The following OR6N1 variants were observed in gnomAD, a reference collection of about 807,000 sequenced individuals.
OR6N1 encodes the protein olfactory receptor 6N1.
For synonymous variants in OR6N1, 170 were observed against 150.7 expected, an observed-to-expected ratio of 1.13 and a Z score of -0.94; for missense variants, 394 against 371.7, an observed-to-expected ratio of 1.06 and a Z score of -0.49.
chr1:158,821,368 C>A, the OR6N1 span, among the ~76,000 whole-genome samples: 2 of 152,152 alleles, frequency 1.3e-5, no homozygotes. Flanking sequence ...CTTGCTATCA[C>A]ACATTCAATA....
At chr1:158,798,549 A>C in the OR6N1 span, among the ~76,000 whole-genome samples, 1 of 151,772 alleles carries the variant, frequency 6.6e-6, no homozygotes, top group East Asian at 1.9e-4. Flanking sequence ...TTTATTTCTA[A>C]TTTATTTATA....
rs370604752 is a variant in OR6N1, at chr1:158,766,265, G to A, written c.418C>T (p.Leu140Phe). Residue 140 changes from leucine (L) to phenylalanine (F), a missense_variant, in exon 2 of 2, where the codon CTT (leucine) becomes TTT (phenylalanine). Coordinates refer to ENST00000641846, the MANE Select transcript of OR6N1 (RefSeq NM_001005185.2). ...LHYPTLMTPT[L>F]CAEIAIGCWL... is the part of the protein sequence containing the mutation. Reference sequence around the variant, plus strand: ...CAGCCAATGGCAATCTCTGCACAAAGTGTTGGGGTCATGAGGGTTGGGTAG... The same window carrying A: ...CAGCCAATGGCAATCTCTGCACAAAATGTTGGGGTCATGAGGGTTGGGTAG... 43 of 1,613,994 alleles carry A rather than the reference G, an allele frequency of 2.7e-5. No individual in the cohort carries two copies. The African/African-American group carries it at 5.1e-4, about 19-fold the overall frequency.
chr1:158,824,299 G>A, the OR6N1 span, among the ~76,000 whole-genome samples: 1 of 152,058 alleles, frequency 6.6e-6, no homozygotes, highest in Non-Finnish European at 1.5e-5. Flanking sequence ...GATGTGACTT[G>A]CTCCTCCTAG....
At position 158,765,353 on chromosome 1, in the gene OR6N1, A is replaced by C. The variant is rs1553246830; in HGVS notation, c.*391T>G. 6.2e-6 allele frequency: 1 copy of C among 160,626 alleles called. No homozygotes were observed. Among genetic ancestry groups the C allele is most frequent in the Non-Finnish European group, 1.4e-5 (1 of 73,390 alleles). The allele number at this position is 160,626 out of a possible 1,614,324, so 10.0% of individuals were successfully genotyped here. ...GAAATGATTGCAAGTGGTACAAAAA[A>C]CATCATGAATCACATTTTGTTTAGG... On this transcript the variant is annotated 3_prime_UTR_variant, in exon 2 of 2. Coordinates refer to ENST00000641846, the MANE Select transcript of OR6N1 (RefSeq NM_001005185.2).
At chr1:158,836,011 C>T in the OR6N1 span, among the ~76,000 whole-genome samples, 1 of 151,548 alleles carries the variant, frequency 6.6e-6, no homozygotes, top group Non-Finnish European at 1.5e-5. Context: ...TATTTTCAGT[C>T]TTTTACCATT....
At chr1:158,809,645 A>C in the OR6N1 span, among the ~76,000 whole-genome samples, 5 of 152,280 alleles carry the variant, frequency 3.3e-5, no homozygotes, top group African/African-American at 1.2e-4. Flanking sequence ...GAGAGCTAGA[A>C]AATTCCTACT....
At chr1:158,831,159 G>GTA in the OR6N1 span, among the ~76,000 whole-genome samples, 1 of 152,198 alleles carries the variant, frequency 6.6e-6, no homozygotes, top group Non-Finnish European at 1.5e-5. Flanking sequence ...CTTTCAGCAA[G>GTA]TATTTGTAAG....
chr1:158,793,061 T>G, the OR6N1 span, among the ~76,000 whole-genome samples: 1 of 152,170 alleles, frequency 6.6e-6, no homozygotes, highest in African/African-American at 2.4e-5. Context: ...TAATCTACTG[T>G]TAAAACTTTT....
chr1:158,827,304 T>A, the OR6N1 span, among the ~76,000 whole-genome samples: 4 of 152,206 alleles, frequency 2.6e-5, no homozygotes, highest in East Asian at 7.7e-4. Flanking sequence ...AAGAAAATTT[T>A]TTTTAGATAT....
At chr1:158,824,318 C>T in the OR6N1 span, among the ~76,000 whole-genome samples, 5 of 152,088 alleles carry the variant, frequency 3.3e-5, no homozygotes, top group East Asian at 3.9e-4. Context: ...AGCCTTCCAC[C>T]GTGATTGTGA....
At chr1:158,773,379 T>C (rs978871199), upstream of OR6N1, among the ~76,000 whole-genome samples, 2 of 152,204 alleles carry the variant, frequency 1.3e-5, no homozygotes, top group African/African-American at 4.8e-5. Context: ...AAGAGTTAAA[T>C]ACCCACTACC....
At chr1:158,772,778 T>A (rs1216604084), upstream of OR6N1, among the ~76,000 whole-genome samples, 3 of 152,174 alleles carry the variant, frequency 2.0e-5, no homozygotes, top group Non-Finnish European at 4.4e-5. Context: ...CAAATACTTA[T>A]GAGACATTAG....
At chr1:158,777,350 C>G in the OR6N1 span, 1 of 1,614,180 alleles carries the variant, frequency 6.2e-7, no homozygotes, top group Non-Finnish European at 8.5e-7. Context: ...AGGAGGCATC[C>G]TGCAAAAGAA....
chr1:158,834,706 A>G, the OR6N1 span, among the ~76,000 whole-genome samples: 11 of 152,264 alleles, frequency 7.2e-5, no homozygotes, highest in Non-Finnish European at 1.6e-4. Flanking sequence ...GCCAAATCCA[A>G]TGTCATGGAG....
chr1:158,824,789 T>G, the OR6N1 span, among the ~76,000 whole-genome samples: 1 of 152,192 alleles, frequency 6.6e-6, no homozygotes, highest in Non-Finnish European at 1.5e-5. Flanking sequence ...ACTGGACCCC[T>G]TCCTTACCCC....
chr1:158,780,821 C>A, the OR6N1 span, among the ~76,000 whole-genome samples: 1 of 152,174 alleles, frequency 6.6e-6, no homozygotes, highest in Non-Finnish European at 1.5e-5. Flanking sequence ...GAAACCTCTG[C>A]CTTCTACCAT....
At chr1:158,824,198 T>G in the OR6N1 span, among the ~76,000 whole-genome samples, 1 of 152,160 alleles carries the variant, frequency 6.6e-6, no homozygotes, top group Non-Finnish European at 1.5e-5. Flanking sequence ...GCTGTTCTCA[T>G]GATAATGAGT....
chr1:158,779,013 C>T, the OR6N1 span, among the ~76,000 whole-genome samples: 1 of 20,554 alleles, frequency 4.9e-5, no homozygotes, highest in South Asian at 2.1e-3. Context: ...TGCGAGACTG[C>T]GTCTCAAAAA....
At chr1:158,793,239 T>C in the OR6N1 span, among the ~76,000 whole-genome samples, 1 of 152,180 alleles carries the variant, frequency 6.6e-6, no homozygotes, top group South Asian at 2.1e-4. Flanking sequence ...TTGAGTAACT[T>C]AATAATCAAC....
Sources: gnomAD v4.1 joint callset for allele counts (sites outside exome capture counted in the v4.1 genomes callset) on GRCh38, gnomAD v4.1.1 for gene constraint, MANE v1.5 for transcripts, NCBI Gene and HGNC (gene_info 2026-07-23, HGNC 2026-07-21) for gene names.